BEND3: variants seen among roughly 807,000 people sequenced by gnomAD.
The protein encoded by BEND3 is BEN domain containing 3.
In BEND3, 13 loss-of-function variants were observed where a neutral mutation model predicts 60.1. The observed-to-expected ratio is 0.22, with a 90% CI of 0.14 to 0.34. The LOEUF (loss-of-function observed/expected upper bound fraction) is 0.34, where lower values mean the gene tolerates loss of function less well. Among genes scored for constraint, BEND3 ranks in the 10% least tolerant of loss-of-function variants. BEND3 has a pLI of 1.00. For synonymous variants in BEND3, 497 were observed against 491.5 expected (o/e 1.01, Z -0.15); for missense variants, 896 against 1,138.1 (o/e 0.79, Z 3.06).
In BEND3 at chr6:107,099,257, A is replaced by T. The variant is rs1354103942; in HGVS notation, c.29T>A (p.Val10Glu). 6.2e-7 allele frequency: 1 copy of T among 1,610,708 alleles called. No individual in the cohort carries two copies. Among genetic ancestry groups the T allele is most frequent in the African/African-American group, 1.3e-5 (1 of 74,746 alleles). The change falls in exon 2 of 4, where the codon GTA (valine) becomes GAA (glutamate). Residue 10 changes from valine to glutamate, a missense_variant. By Grantham distance (121) the Val-to-Glu change is moderately radical. Transcript: ENST00000369042. ...GGGCATTTTTTTTTTACCTTCTTCTACATCTTCGGTGAATTCAGTTGAGTT... is the reference window on the plus strand; with the variant it reads ...GGGCATTTTTTTTTTACCTTCTTCTTCATCTTCGGTGAATTCAGTTGAGTT... MNSTEFTEDVEEVLKSITVK... is the reference protein window; with the variant it reads MNSTEFTEDEEEVLKSITVK...
At chr6:107,097,705 G>A (rs933787567) in intron 3 of BEND3, among the ~76,000 whole-genome samples, 5 of 141,106 alleles carry the variant, frequency 3.5e-5, no homozygotes, top group African/African-American at 7.7e-5. Flanking sequence ...TAGGAGAATC[G>A]CTTGAACCTA....
rs563757089 is a variant in BEND3, at chr6:107,095,628, T to C, written c.240+2923A>G. ...CAGCATTATTCATAATTGCCAAAACTTGGAAGCATCCAAGATGTCCTTTAG... is the reference window on the plus strand; with the variant it reads ...CAGCATTATTCATAATTGCCAAAACCTGGAAGCATCCAAGATGTCCTTTAG... On this transcript the variant is annotated intron_variant, in intron 3 of 3. Transcript: ENST00000369042. Among the ~76,000 whole-genome samples the C allele has an allele frequency of 3.0e-4, 46 of 152,316 alleles. 1 individual carries two copies. The South Asian group carries it at 9.3e-3, about 31-fold the overall frequency.
chr6:107,068,833 G>A lies in BEND3; in HGVS notation c.2358C>T (p.Ala786=), dbSNP rs145348427. ...RLRLIRHYVE[A]VYPVEKMEEV... is the part of the protein sequence containing the mutation. ...CCTCCATCTTCTCCACCGGGTAGAC[G>A]GCTTCCACGTAGTGGCGGATGAGCC... The change falls in exon 4 of 4, where the codon GCC becomes GCT. Residue 786 remains alanine (A), a synonymous_variant. Coordinates refer to ENST00000369042, the MANE Select transcript of BEND3 (RefSeq NM_001367314.1). This position sits in a 1 kb window ranked among gnomAD's most constrained non-coding sequence, Gnocchi z 5.8. 257 of 1,614,126 alleles carry A rather than the reference G, an allele frequency of 1.6e-4. No homozygotes were observed. The highest frequency in any genetic ancestry group is 1.9e-4 in the Non-Finnish European group (225 of 1,180,048).
At chr6:107,085,185 A>G (rs1398434423) in intron 3 of BEND3, among the ~76,000 whole-genome samples, 1 of 152,168 alleles carries the variant, frequency 6.6e-6, no homozygotes, top group Non-Finnish European at 1.5e-5. Context: ...GAGACCACGA[A>G]CCCACCGGAA....
At chr6:107,095,189 TA>T (rs1288109814) in intron 3 of BEND3, among the ~76,000 whole-genome samples, 2 of 151,828 alleles carry the variant, frequency 1.3e-5, no homozygotes, top group East Asian at 3.9e-4. Context: ...AACAATAACA[TA>T]AACAAAAACA....
intron 3 of BEND3, among the ~76,000 whole-genome samples, chr6:107,091,019 A>C (rs901163459): frequency 5.3e-5 from 8 of 152,012 alleles, no homozygotes; most frequent in South Asian, 2.1e-4. Flanking sequence ...CTGAGGCAGG[A>C]TAATTGCTTG....
rs1001608481 is a variant in BEND3, at chr6:107,069,998, G to A, written c.1193C>T (p.Thr398Ile). The A allele has an allele frequency of 6.2e-7, 1 of 1,613,702 alleles. No homozygotes were observed. Among genetic ancestry groups the A allele is most frequent in the Non-Finnish European group, 8.5e-7 (1 of 1,179,984 alleles). Reference protein sequence around the residue: ...SDHVVDTQDLTEFLDEASSPG... With the variant: ...SDHVVDTQDLIEFLDEASSPG... Reference sequence around the variant, plus strand: ...TGAGGAGGCTTCGTCCAGGAACTCAGTGAGGTCCTGCGTGTCCACCACGTG... The same window carrying A: ...TGAGGAGGCTTCGTCCAGGAACTCAATGAGGTCCTGCGTGTCCACCACGTG... The change falls in exon 4 of 4, where the codon ACT (threonine) becomes ATT (isoleucine). Residue 398 changes from threonine to isoleucine, a missense_variant. Around this residue, in one of 4 missense-constraint regions of BEND3, gnomAD observed 846 missense variants for 1,036.7 expected, o/e 0.82. Transcript: ENST00000369042.
chr6:107,070,870 G>C lies in BEND3; in HGVS notation c.321C>G (p.Ser107Arg). ...GNGEQAGRGRSLGNVWPGEEE... is the reference protein window; with the variant it reads ...GNGEQAGRGRRLGNVWPGEEE... ...CCTCTCCAGGCCACACATTGCCCAG[G>C]CTCCTGCCCCTGCCGGCCTGCTCAC... is the stretch of plus-strand genomic sequence containing the variant. Residue 107 changes from serine to arginine, a missense_variant, in exon 4 of 4, where the codon AGC becomes AGG. Physicochemically the swap from Ser to Arg is moderately radical, Grantham distance 110. Around this residue, in one of 4 missense-constraint regions of BEND3, gnomAD observed 846 missense variants for 1,036.7 expected, o/e 0.82. Transcript: ENST00000369042. This position sits in a 1 kb window ranked among gnomAD's most constrained non-coding sequence, Gnocchi z 6.9. 1 of 1,613,866 alleles carries C rather than the reference G, an allele frequency of 6.2e-7. No homozygotes were observed. Among genetic ancestry groups the C allele is most frequent in the Non-Finnish European group, 8.5e-7 (1 of 1,180,020 alleles).
At chr6:107,093,459 T>A (rs1185726669) in intron 3 of BEND3, among the ~76,000 whole-genome samples, 107 of 143,088 alleles carry the variant, frequency 7.5e-4, no homozygotes, top group South Asian at 3.7e-3. Context: ...AGACTCCGTC[T>A]CAAAAAAAAA....
chr6:107,083,676 A>T (rs1396563876), intron 3 of BEND3, among the ~76,000 whole-genome samples: 2 of 152,158 alleles, frequency 1.3e-5, no homozygotes, highest in East Asian at 3.8e-4. Context: ...AAAAAAAAAA[A>T]GTCAACATTT....
rs1774949934 is a variant in BEND3 at position 107,070,459 on chromosome 6, A to G, written c.732T>C (p.Pro244=). Residue 244 remains proline (P), a synonymous_variant, in exon 4 of 4, where the codon CCT becomes CCC. Coordinates refer to ENST00000369042, the MANE Select transcript of BEND3 (RefSeq NM_001367314.1). The surrounding 1 kb of genome is among the most constrained non-coding windows in gnomAD (Gnocchi z 6.9). ...TEMVAKFQPP[P]EYQLTAAELK... ...GCTCTGCGGCTGTGAGCTGGTACTC[A>G]GGGGGCGGCTGGAATTTGGCCACCA... The G allele has an allele frequency of 6.2e-7, 1 of 1,613,954 alleles. No individual in the cohort carries two copies. The highest frequency in any genetic ancestry group is 1.7e-5 in the Admixed American group (1 of 59,986).
At chr6:107,113,464 A>AAT (rs1770170174) in intron 1 of BEND3, among the ~76,000 whole-genome samples, 2 of 146,204 alleles carry the variant, frequency 1.4e-5, no homozygotes, top group Non-Finnish European at 1.5e-5. Context: ...CAAAAAAAAA[A>AAT]CTCATGTTCC....
rs1382870976 is a variant in BEND3 at position 107,080,363 on chromosome 6, A to AAC, written c.241-9414_241-9413insGT. The stretch of plus-strand genomic sequence containing the variant: ...GAATGAGATCCCATCTCAAAAAAAA[A>AAC]AAAAAAAAAAAAAACAAAAAACAGG... On this transcript the variant is annotated intron_variant, in intron 3 of 3. Transcript: ENST00000369042. Among the ~76,000 whole-genome samples, 142 of 147,976 alleles carry AAC rather than the reference A, an allele frequency of 9.6e-4. 1 individual carries two copies. Among genetic ancestry groups the AAC allele is most frequent in the African/African-American group, 3.5e-3 (136 of 38,626 alleles).
chr6:107,098,121 G>C (rs1775626090), intron 3 of BEND3, among the ~76,000 whole-genome samples: 1 of 152,160 alleles, frequency 6.6e-6, no homozygotes, highest in Non-Finnish European at 1.5e-5. Context: ...ACCAGCCTGG[G>C]CAACATAGTG....
At chr6:107,111,801 G>T (rs1770100696) in intron 1 of BEND3, among the ~76,000 whole-genome samples, 1 of 151,952 alleles carries the variant, frequency 6.6e-6, no homozygotes, top group Non-Finnish European at 1.5e-5. Flanking sequence ...GGCCAATAAG[G>T]TGAAACCCCA....
Position 107,067,291 on chromosome 6 carries a change from G to A in BEND3, c.*1413C>T, listed in dbSNP as rs1774852737. The A allele has an allele frequency of 6.6e-6, 1 of 152,166 alleles. No individual in the cohort carries two copies. The allele number at this position is 152,166 out of a possible 1,614,324, so 9.4% of individuals were successfully genotyped here. On this transcript the variant is annotated 3_prime_UTR_variant, in exon 4 of 4. Transcript: ENST00000369042. ...GATTCAATAAATTTTCCAGGACTCT[G>A]GTATGACACACTGTTTGCATTCGAC...
intron 3 of BEND3, among the ~76,000 whole-genome samples, chr6:107,086,608 G>A (rs1316157395): frequency 2.6e-5 from 4 of 151,770 alleles, no homozygotes; most frequent in African/African-American, 4.8e-5. Context: ...GCAAGACTCC[G>A]TCTTAAAAAA....
chr6:107,112,464 G>C (rs1258804896), intron 1 of BEND3, among the ~76,000 whole-genome samples: 1 of 152,120 alleles, frequency 6.6e-6, no homozygotes, highest in African/African-American at 2.4e-5. Flanking sequence ...CCAGCCTATC[G>C]TCTTGCTGGG....
At chr6:107,078,788 C>T (rs1554233124) in intron 3 of BEND3, among the ~76,000 whole-genome samples, 1 of 150,594 alleles carries the variant, frequency 6.6e-6, no homozygotes, top group East Asian at 2.0e-4. Context: ...CCCAGATTCT[C>T]TGCTTGTTCT....
Sources: allele counts gnomAD v4.1 joint callset (sites outside exome capture counted in the v4.1 genomes callset), GRCh38; gene constraint gnomAD v4.1.1; regional missense constraint gnomAD v4.1.1; non-coding constraint Gnocchi (gnomAD v3.1); transcripts MANE v1.5; gene names NCBI Gene and HGNC (gene_info 2026-07-23, HGNC 2026-07-21).